RCN2: variants seen among roughly 807,000 people sequenced by gnomAD.
The protein encoded by RCN2 is reticulocalbin 2.
A neutral mutation model predicts 37.5 loss-of-function variants in RCN2; 23 were observed. The observed-to-expected ratio is 0.61, with a 90% CI of 0.44 to 0.87. RCN2 has a LOEUF of 0.87. RCN2 is among the 40% of genes least tolerant of loss of function. RCN2 has a pLI of 0.00. For synonymous variants in RCN2, 140 were observed against 144.6 expected (o/e 0.97, Z 0.23); for missense variants, 381 against 390.4 (o/e 0.98, Z 0.20).
At position 76,945,357 on chromosome 15, in the gene RCN2, A is replaced by G. The variant is rs149874400; in HGVS notation, c.561+1486A>G. ...TCACTTATGAAAGCTTTTGGTCTGG[A>G]AAAACATCATGTTTGGATTCTTCAT... On this transcript the variant is annotated intron_variant, in intron 4 of 6. Coordinates refer to ENST00000394885, the MANE Select transcript of RCN2 (RefSeq NM_002902.3). Among the ~76,000 whole-genome samples the G allele has an allele frequency of 2.0e-3, 311 of 152,294 alleles. 2 individuals carry two copies. Among genetic ancestry groups the G allele is most frequent in the African/African-American group, 6.6e-3 (273 of 41,570 alleles).
rs550912225 is a variant in RCN2 at position 76,931,804 on chromosome 15, C to T, written c.-38C>T. 1.3e-5 allele frequency: 16 copies of T among 1,201,794 alleles called. No homozygotes were observed. Among genetic ancestry groups the T allele is most frequent in the Admixed American group, 4.5e-5 (1 of 22,222 alleles). The allele number at this position is 1,201,794 out of a possible 1,614,324, so 74.4% of individuals were successfully genotyped here. On this transcript the variant is annotated 5_prime_UTR_variant, in exon 1 of 7. Transcript: ENST00000394885. ...CCGGCCCGGGCCCCCGCCAGCCTCC[C>T]TCCTCGCGTCCCTCGGTGTCCTCCG...
At chr15:76,933,742 G>T (rs1568458453) in intron 2 of RCN2, among the ~76,000 whole-genome samples, 3 of 152,162 alleles carry the variant, frequency 2.0e-5, no homozygotes, top group Admixed American at 6.5e-5. Flanking sequence ...CTATGCCATG[G>T]TGATCTCTTT....
chr15:76,954,228 G>T lies in RCN2; in HGVS notation c.*5006G>T, dbSNP rs2075339198. 6.6e-6 allele frequency: 1 copy of T among 151,566 alleles called. No individual in the cohort carries two copies. The highest frequency in any genetic ancestry group is 2.4e-5 in the African/African-American group (1 of 41,208). 9.4% of individuals were successfully genotyped at this position (151,566 alleles called of 1,614,324 possible). A position where few individuals can be genotyped will look rare whatever the true frequency, so the allele number is the denominator to read the frequency against. On this transcript the variant is annotated 3_prime_UTR_variant, in exon 7 of 7. Transcript: ENST00000394885. ...GCTATTGTTTCTCAAACGTTTTTGT[G>T]TTACAATACCTCCTTTTGAGTGAGA... is the stretch of plus-strand genomic sequence containing the variant.
rs1441259964 is a variant in RCN2, at chr15:76,931,781, G to A, written c.-61G>A. The A allele has an allele frequency of 4.3e-6, 5 of 1,173,704 alleles. No individual in the cohort carries two copies. Among genetic ancestry groups the A allele is most frequent in the Non-Finnish European group, 4.2e-6 (4 of 946,610 alleles). 72.7% of individuals were successfully genotyped at this position (1,173,704 alleles called of 1,614,324 possible). A position where few individuals can be genotyped will look rare whatever the true frequency, so the allele number is the denominator to read the frequency against. ...TAGCCGCCCGCGGAGCATCGCAGCC[G>A]GCCCGGGCCCCCGCCAGCCTCCCTC... On this transcript the variant is annotated 5_prime_UTR_variant, in exon 1 of 7. Transcript: ENST00000394885.
chr15:76,932,318 G>T (rs924747725), intron 1 of RCN2, 43 bp from the exon 2 acceptor site: 9 of 1,482,464 alleles, frequency 6.1e-6, no homozygotes, highest in Non-Finnish European at 8.5e-6. Flanking sequence ...TTGCCCCACT[G>T]ATAGTAATGC....
At chr15:76,932,509 A>C in intron 2 of RCN2, 43 bp downstream of exon 2, 1 of 1,327,226 alleles carries the variant, frequency 7.5e-7, no homozygotes, top group Non-Finnish European at 1.1e-6. Context: ...ACAAACACAA[A>C]TATGTTAAGC....
chr15:76,945,373 G>C (rs936611091), intron 4 of RCN2, among the ~76,000 whole-genome samples: 1 of 152,070 alleles, frequency 6.6e-6, no homozygotes, highest in Non-Finnish European at 1.5e-5. Context: ...ATCATGTTTG[G>C]ATTCTTCATA....
chr15:76,937,763 T>C (rs2075258609), intron 3 of RCN2, among the ~76,000 whole-genome samples: 1 of 152,204 alleles, frequency 6.6e-6, no homozygotes, highest in Non-Finnish European at 1.5e-5. Context: ...ATGTGTCTCA[T>C]GGTTTAATTT....
intron 1 of RCN2, 139 bp from the exon 2 acceptor site, chr15:76,932,222 G>A (rs538450550): frequency 4.0e-6 from 3 of 753,902 alleles, no homozygotes; most frequent in Non-Finnish European, 6.7e-6. Flanking sequence ...GTGTGTAGGG[G>A]GTAGGGGCCT....
In RCN2 at chr15:76,943,831, T is replaced by G; in HGVS notation, c.521T>G (p.Phe174Cys). The change falls in exon 4 of 7, where the codon TTT becomes TGT. Residue 174 changes from phenylalanine to cysteine, a missense_variant. Physicochemically the swap from Phe to Cys is radical, Grantham distance 205 (BLOSUM62 -2). Transcript: ENST00000394885. ...DSGPGLSLEE[F>C]IAFEHPEEVD... ...GGTCCCGGTTTGAGTCTTGAAGAATTTATTGCTTTTGAGCATCCTGAAGAA... is the reference window on the plus strand; with the variant it reads ...GGTCCCGGTTTGAGTCTTGAAGAATGTATTGCTTTTGAGCATCCTGAAGAA... 1 of 1,610,750 alleles carries G rather than the reference T, an allele frequency of 6.2e-7. No individual in the cohort carries two copies. Among genetic ancestry groups the G allele is most frequent in the Non-Finnish European group, 8.5e-7 (1 of 1,177,436 alleles).
chr15:76,932,253 C>T (rs1568458055), intron 1 of RCN2, 108 bp from the exon 2 acceptor site: 3 of 893,232 alleles, frequency 3.4e-6, no homozygotes, highest in Admixed American at 2.0e-5. Context: ...GTGCGGGTCA[C>T]CCCGAAACCC....
rs1041297863 is a variant in RCN2, at chr15:76,932,354, C to T, written c.145-7C>T. 4 of 1,608,426 alleles carry T rather than the reference C, an allele frequency of 2.5e-6. No individual in the cohort carries two copies. The highest frequency in any genetic ancestry group is 2.7e-5 in the African/African-American group (2 of 74,860). On this transcript the variant is annotated splice_region_variant and splice_polypyrimidine_tract_variant and intron_variant, in intron 1 of 6. Coordinates refer to ENST00000394885, the MANE Select transcript of RCN2 (RefSeq NM_002902.3). ...TTGGCCCTCCTGTGTGTCGCTTCCC[C>T]CTAAAGGAAGATGTGGATGAATATG...
intron 2 of RCN2, among the ~76,000 whole-genome samples, chr15:76,935,006 A>C (rs1431041121): frequency 6.6e-6 from 1 of 152,192 alleles, no homozygotes; most frequent in African/African-American, 2.4e-5. Context: ...TGGAGCTTAC[A>C]TTATATTTAG....
chr15:76,942,631 A>G (rs1295455628), intron 3 of RCN2: 1 of 152,220 alleles, frequency 6.6e-6, no homozygotes, highest in Non-Finnish European at 1.5e-5. Context: ...AATTAACACT[A>G]TAAAGAGCCT....
rs2075331563 is a variant in RCN2 at position 76,953,569 on chromosome 15, A to ATATATATATATATG, written c.*4360_*4361insGTATATATATATAT. The ATATATATATATATG allele has an allele frequency of 7.3e-5, 1 of 13,648 alleles. No individual in the cohort carries two copies. Among genetic ancestry groups the ATATATATATATATG allele is most frequent in the East Asian group, 1.6e-3 (1 of 620 alleles). 0.8% of individuals were successfully genotyped at this position (13,648 alleles called of 1,614,324 possible). ...ATATAGTAATTCTATATATATATAT[A>ATATATATATATATG]TATATATATATATATATATATATAT... On this transcript the variant is annotated 3_prime_UTR_variant, in exon 7 of 7. Transcript: ENST00000394885.
chr15:76,938,424 G>A (rs140835587), intron 3 of RCN2, among the ~76,000 whole-genome samples: 1 of 152,244 alleles, frequency 6.6e-6, no homozygotes, highest in African/African-American at 2.4e-5. Flanking sequence ...TGGTATCTGT[G>A]GGAGGTTCTG....
chr15:76,940,623 A>G (rs923948761), intron 3 of RCN2, among the ~76,000 whole-genome samples: 25 of 140,956 alleles, frequency 1.8e-4, no homozygotes, highest in Non-Finnish European at 2.8e-4. Flanking sequence ...ATCTCGGCTC[A>G]CTGCAGTCTT....
In RCN2 at chr15:76,931,936, T is replaced by A; in HGVS notation, c.95T>A (p.Leu32Gln). 1 of 1,305,616 alleles carries A rather than the reference T, an allele frequency of 7.7e-7. No individual in the cohort carries two copies. Among genetic ancestry groups the A allele is most frequent in the East Asian group, 3.3e-5 (1 of 30,224 alleles). The allele number at this position is 1,305,616 out of a possible 1,614,324, so 80.9% of individuals were successfully genotyped here. A position where few individuals can be genotyped will look rare whatever the true frequency, so the allele number is the denominator to read the frequency against. The change falls in exon 1 of 7, where the codon CTG (leucine) becomes CAG (glutamine). Residue 32 changes from leucine to glutamine, a missense_variant. Leu to Gln is a moderately radical substitution (Grantham distance 113, BLOSUM62 -2). Coordinates refer to ENST00000394885, the MANE Select transcript of RCN2 (RefSeq NM_002902.3). ...AGKAEELHYP[L>Q]GERRSDYDRE... ...AAGGCCGAGGAGCTGCACTACCCGC[T>A]GGGCGAGCGCCGCAGCGACTACGAC...
intron 3 of RCN2, among the ~76,000 whole-genome samples, chr15:76,936,724 G>A (rs1325125705): frequency 6.6e-6 from 1 of 152,100 alleles, no homozygotes; most frequent in Admixed American, 6.5e-5. Context: ...TTTATATCAG[G>A]GACTTAAGCA....
Sources: allele counts gnomAD v4.1 joint callset (sites outside exome capture counted in the v4.1 genomes callset), GRCh38; gene constraint gnomAD v4.1.1; transcripts MANE v1.5; gene names NCBI Gene and HGNC (gene_info 2026-07-23, HGNC 2026-07-21).